Variants in KTN1 observed in about 807,000 individuals in gnomAD.
The protein encoded by KTN1 is kinectin 1.
A neutral mutation model predicts 222.5 loss-of-function variants in KTN1; 130 were observed. That is an observed-to-expected ratio of 0.58 (90% CI 0.51 to 0.68). The LOEUF is 0.68. KTN1 is among the 30% of genes least tolerant of loss of function. KTN1 has a pLI of 0.00. For missense variants in KTN1, 1,508 were observed against 1,500.4 expected, an observed-to-expected ratio of 1.01 and a Z score of -0.08; for synonymous variants, 512 against 496.3, an observed-to-expected ratio of 1.03 and a Z score of -0.42.
intron 43 of KTN1, chr14:55,682,081 A>G (rs974533878): frequency 7.9e-5 from 12 of 152,216 alleles, no homozygotes; most frequent in Non-Finnish European, 1.3e-4. Flanking sequence ...AATGCTGCAC[A>G]TATTCAATAA....
intron 1 of KTN1, among the ~76,000 whole-genome samples, chr14:55,608,248 A>G (rs1259742950): frequency 6.6e-6 from 1 of 152,016 alleles, no homozygotes; most frequent in Non-Finnish European, 1.5e-5. Context: ...TGTAATTCTG[A>G]TGCTCATGGG....
chr14:55,602,879 C>T (rs1445197987), intron 1 of KTN1, among the ~76,000 whole-genome samples: 1 of 152,164 alleles, frequency 6.6e-6, no homozygotes, highest in African/African-American at 2.4e-5. Context: ...CGTGCCTGGC[C>T]ACCATCTTTT....
rs2037657727 is a variant in KTN1, at chr14:55,612,041, A to G, written c.-8A>G. On this transcript the variant is annotated 5_prime_UTR_variant, in exon 2 of 44. Transcript: ENST00000395314. ...TAGGTTTTATAGGATCACATTGACA[A>G]AAGTACCATGGAGTTTTATGAGTCA... The G allele has an allele frequency of 2.1e-6, 3 of 1,414,078 alleles. No homozygotes were observed. The highest frequency in any genetic ancestry group is 2.8e-6 in the Non-Finnish European group (3 of 1,078,010). The allele number at this position is 1,414,078 out of a possible 1,614,324, so 87.6% of individuals were successfully genotyped here.
intron 1 of KTN1, among the ~76,000 whole-genome samples, chr14:55,591,708 C>G (rs1566660232): frequency 6.6e-6 from 1 of 150,788 alleles, no homozygotes; most frequent in Non-Finnish European, 1.5e-5. Flanking sequence ...CCTGCCTCAG[C>G]TGGGATTACA....
At chr14:55,680,863 C>G in intron 43 of KTN1, 2 of 446,822 alleles carry the variant, frequency 4.5e-6, no homozygotes, top group Non-Finnish European at 8.2e-6. Context: ...TCTCCAGTTT[C>G]CCAATGTAAA....
intron 1 of KTN1, among the ~76,000 whole-genome samples, chr14:55,603,781 C>T (rs907180373): frequency 3.3e-5 from 5 of 152,202 alleles, no homozygotes; most frequent in African/African-American, 4.8e-5. Context: ...AAACCTAACT[C>T]CTTATCTCCA....
chr14:55,589,605 G>A (rs565972723), intron 1 of KTN1, among the ~76,000 whole-genome samples: 2 of 151,362 alleles, frequency 1.3e-5, no homozygotes, highest in East Asian at 3.9e-4. Flanking sequence ...CCACCATGCT[G>A]GGCCAGAGAT....
Position 55,653,033 on chromosome 14 carries a change from A to T in KTN1, c.2711A>T (p.Asn904Ile). The T allele has an allele frequency of 1.2e-6, 2 of 1,606,112 alleles. No individual in the cohort carries two copies. The highest frequency in any genetic ancestry group is 1.7e-6 in the Non-Finnish European group (2 of 1,173,186). The part of the protein sequence containing the change: ...GKWLQDLQEE[N>I]ESLKAHVQEV... ...CTTTTTAAGGATCTTCAAGAAGAAA[A>T]TGAATCTTTAAAAGCACATGTTCAG... is the stretch of plus-strand genomic sequence containing the variant. Residue 904 changes from asparagine to isoleucine, a missense_variant, in exon 27 of 44, where the codon AAT (asparagine) becomes ATT (isoleucine). Coordinates refer to ENST00000395314, the MANE Select transcript of KTN1 (RefSeq NM_001079521.2).
chr14:55,597,623 G>T (rs977360626), intron 1 of KTN1, among the ~76,000 whole-genome samples: 1 of 152,160 alleles, frequency 6.6e-6, no homozygotes, highest in African/African-American at 2.4e-5. Context: ...GGAGGCCGAG[G>T]CGGGCAGATC....
At chr14:55,679,717 G>A (rs1250159000) in intron 43 of KTN1, 32 bp downstream of exon 43, 2 of 1,601,576 alleles carry the variant, frequency 1.2e-6, no homozygotes, top group Non-Finnish European at 8.6e-7. Context: ...CTGTCTATGG[G>A]TAATTGATGT....
At chr14:55,584,590 A>G (rs183344113) in intron 1 of KTN1, among the ~76,000 whole-genome samples, 1 of 152,202 alleles carries the variant, frequency 6.6e-6, no homozygotes, top group Admixed American at 6.5e-5. Context: ...TGCCTATTTT[A>G]TTTAAAACTG....
At chr14:55,626,208 CAA>C (rs532496956) in intron 5 of KTN1, among the ~76,000 whole-genome samples, 1 of 143,244 alleles carries the variant, frequency 7.0e-6, no homozygotes, top group African/African-American at 2.6e-5. Flanking sequence ...ATATCTTTAA[CAA>C]AAAAAAAAAC....
At chr14:55,594,176 T>C (rs1177471110) in intron 1 of KTN1, among the ~76,000 whole-genome samples, 1 of 152,130 alleles carries the variant, frequency 6.6e-6, no homozygotes, top group Admixed American at 6.6e-5. Context: ...TGGAAGTCGT[T>C]ATCTTCATTT....
intron 1 of KTN1, among the ~76,000 whole-genome samples, chr14:55,594,498 GTT>G (rs748582537): frequency 3.5e-5 from 4 of 113,868 alleles, no homozygotes; most frequent in Non-Finnish European, 7.5e-5. Context: ...GCAGAGTAGA[GTT>G]TTTTTTTTTT....
chr14:55,665,073 TTATC>T (rs1170959845), intron 33 of KTN1, among the ~76,000 whole-genome samples: 5 of 152,070 alleles, frequency 3.3e-5, no homozygotes, highest in African/African-American at 4.8e-5. Flanking sequence ...ATATCCCTAT[TTATC>T]TAGCCATAAT....
At chr14:55,684,053 G>C (rs772979505) in intron 43 of KTN1, 46 bp from the exon 44 acceptor site, 1 of 1,562,654 alleles carries the variant, frequency 6.4e-7, no homozygotes, top group Non-Finnish European at 8.8e-7. Flanking sequence ...ATTGCCTTCT[G>C]TTGCTTTGTT....
intron 1 of KTN1, among the ~76,000 whole-genome samples, chr14:55,604,457 A>C (rs1355996788): frequency 6.6e-6 from 1 of 152,160 alleles, no homozygotes; most frequent in Non-Finnish European, 1.5e-5. Flanking sequence ...GCAACATGGC[A>C]AAACCCTGTC....
intron 1 of KTN1, among the ~76,000 whole-genome samples, chr14:55,605,264 C>T (rs1010087705): frequency 3.3e-5 from 5 of 152,020 alleles, no homozygotes; most frequent in Non-Finnish European, 5.9e-5. Flanking sequence ...TTAACCTATC[C>T]ATTTGGTTTT....
chr14:55,664,169 C>T, intron 33 of KTN1, 128 bp downstream of exon 33: 1 of 612,268 alleles, frequency 1.6e-6, no homozygotes, highest in Non-Finnish European at 2.8e-6. Context: ...TATTTATCAT[C>T]TCTATCATCT....
Sources: allele counts gnomAD v4.1 joint callset (sites outside exome capture counted in the v4.1 genomes callset), GRCh38; gene constraint gnomAD v4.1.1; transcripts MANE v1.5; gene names NCBI Gene and HGNC (gene_info 2026-07-23, HGNC 2026-07-21).